Variants in ARHGEF33 observed in about 807,000 individuals in gnomAD.
The protein encoded by ARHGEF33 is DH and coiled-coil domain-containing protein ENSP00000381780.
ARHGEF33 carries 72 observed loss-of-function variants against 101.9 expected under a neutral mutation model. That is an observed-to-expected ratio of 0.71 (90% CI 0.58 to 0.86). The LOEUF (loss-of-function observed/expected upper bound fraction) is 0.86. ARHGEF33 is among the 40% of genes least tolerant of loss of function. ARHGEF33 has a pLI of 0.00. For missense variants in ARHGEF33, 1,169 were observed against 1,111.3 expected (o/e 1.05, Z -0.74); for synonymous variants, 499 against 442.5 (o/e 1.13, Z -1.60).
At chr2:38,916,095 G>A (rs1269417956) in intron 2 of ARHGEF33, among the ~76,000 whole-genome samples, 1 of 152,148 alleles carries the variant, frequency 6.6e-6, no homozygotes, top group South Asian at 2.1e-4. Flanking sequence ...GACCATATGA[G>A]CATGGGGATA....
At chr2:38,943,692 C>G (rs1031341748) in intron 9 of ARHGEF33, among the ~76,000 whole-genome samples, 3 of 152,212 alleles carry the variant, frequency 2.0e-5, no homozygotes, top group African/African-American at 7.2e-5. Flanking sequence ...GCAGATTTTC[C>G]AGCTGCAGAT....
At chr2:38,968,199 T>C (rs1458009714) in intron 17 of ARHGEF33, among the ~76,000 whole-genome samples, 1 of 152,042 alleles carries the variant, frequency 6.6e-6, no homozygotes, top group Non-Finnish European at 1.5e-5. Context: ...AGAGGAAGAA[T>C]TTCCTAAAAA....
At chr2:38,915,518 G>A (rs116328613) in intron 2 of ARHGEF33, among the ~76,000 whole-genome samples, 4,832 of 151,370 alleles carry the variant, frequency 0.032, 254 homozygotes, top group African/African-American at 0.11. Context: ...ATTACAAGGC[G>A]TGTGCCACCA....
At chr2:38,940,050 GA>G (rs1667264174) in intron 9 of ARHGEF33, among the ~76,000 whole-genome samples, 1 of 152,096 alleles carries the variant, frequency 6.6e-6, no homozygotes, top group Non-Finnish European at 1.5e-5. Flanking sequence ...ATCATTAATT[GA>G]AAATACCTTC....
intron 4 of ARHGEF33, among the ~76,000 whole-genome samples, chr2:38,922,491 T>C (rs1000056949): frequency 6.6e-6 from 1 of 152,132 alleles, no homozygotes; most frequent in South Asian, 2.1e-4. Context: ...TAAACCAAAC[T>C]AGGGCAAGTC....
At chr2:38,936,225 ATAAT>A (rs1397955644) in intron 8 of ARHGEF33, among the ~76,000 whole-genome samples, 2 of 152,266 alleles carry the variant, frequency 1.3e-5, no homozygotes, top group Non-Finnish European at 2.9e-5. Context: ...AAAGGACTAA[ATAAT>A]AGAAAAGAAA....
At chr2:38,908,795 T>C (rs887707705) in intron 2 of ARHGEF33, among the ~76,000 whole-genome samples, 2 of 152,216 alleles carry the variant, frequency 1.3e-5, no homozygotes, top group African/African-American at 4.8e-5. Flanking sequence ...TTTCTTGGTT[T>C]TTCAAGCCAG....
At position 38,898,473 on chromosome 2, in the gene ARHGEF33, C is replaced by T. The variant is rs72913137; in HGVS notation, c.-86+2624C>T. Among the ~76,000 whole-genome samples, 622 of 152,292 alleles carry T rather than the reference C, an allele frequency of 4.1e-3. 3 individuals are homozygous for T. The highest frequency in any genetic ancestry group is 0.014 in the African/African-American group (589 of 41,564). On this transcript the variant is annotated intron_variant, in intron 2 of 17. Coordinates refer to ENST00000409978, the MANE Select transcript of ARHGEF33 (RefSeq NM_001145451.5). ...TCTTCCAGGCACTCCAGATGGGCCACGTGACTTCCCATTGACCCTTCCACC... is the reference window on the plus strand; with the variant it reads ...TCTTCCAGGCACTCCAGATGGGCCATGTGACTTCCCATTGACCCTTCCACC...
intron 2 of ARHGEF33, among the ~76,000 whole-genome samples, chr2:38,897,340 TA>T (rs946523817): frequency 6.6e-6 from 1 of 152,052 alleles, no homozygotes; most frequent in African/African-American, 2.4e-5. Flanking sequence ...TCCACTTAAA[TA>T]AAAAAACAGA....
intron 16 of ARHGEF33, among the ~76,000 whole-genome samples, chr2:38,964,937 T>C (rs1668021372): frequency 6.6e-6 from 1 of 152,146 alleles, no homozygotes; most frequent in African/African-American, 2.4e-5. Flanking sequence ...GACCGCACTT[T>C]AAGAAACACT....
intron 1 of ARHGEF33, among the ~76,000 whole-genome samples, chr2:38,890,968 G>GTTTTTTT (rs11380408): frequency 6.9e-6 from 1 of 145,024 alleles, no homozygotes; most frequent in Non-Finnish European, 1.5e-5. Flanking sequence ...CATACTATTG[G>GTTTTTTT]TTTTTTTTTT....
intron 17 of ARHGEF33, among the ~76,000 whole-genome samples, chr2:38,968,632 C>T (rs1280283667): frequency 2.0e-5 from 3 of 152,218 alleles, no homozygotes; most frequent in African/African-American, 4.8e-5. Flanking sequence ...TCCCTTAGTC[C>T]TCTTGTCCTT....
rs1667884861 is a variant in ARHGEF33, at chr2:38,960,241, G to A, written c.1936G>A (p.Ala646Thr). The stretch of plus-strand genomic sequence containing the variant: ...GGCCCTCTTCGAGAACTGCTCGCCT[G>A]CCTCCTCCGAGTCCAGCCTGGACAT... ...APALFENCSP[A>T]SSESSLDICF... The change falls in exon 16 of 18, where the codon GCC (alanine) becomes ACC (threonine). Residue 646 changes from alanine (A) to threonine (T), a missense_variant. Ala to Thr is a moderately conservative substitution (Grantham distance 58). Coordinates refer to ENST00000409978, the MANE Select transcript of ARHGEF33 (RefSeq NM_001145451.5). The A allele has an allele frequency of 1.9e-6, 3 of 1,548,016 alleles. No homozygotes were observed. Among genetic ancestry groups the A allele is most frequent in the Non-Finnish European group, 2.6e-6 (3 of 1,146,078 alleles).
In ARHGEF33 at chr2:38,973,911, AAT is replaced by A. The variant is rs369179124; in HGVS notation, c.*81_*82del. 6.2e-3 allele frequency: 6,233 copies of A among 1,004,214 alleles called. No individual in the cohort carries two copies. Among genetic ancestry groups the A allele is most frequent in the East Asian group, 9.7e-3 (251 of 25,796 alleles). 62.2% of individuals were successfully genotyped at this position (1,004,214 alleles called of 1,614,324 possible). A position where few individuals can be genotyped will look rare whatever the true frequency, so the allele number is the denominator to read the frequency against. On this transcript the variant is annotated 3_prime_UTR_variant, in exon 18 of 18. Coordinates refer to ENST00000409978, the MANE Select transcript of ARHGEF33 (RefSeq NM_001145451.5). ...AAAAGCTTGTATATATCTGTGTAGG[AAT>A]ATATATATATATCTATATCTATATA...
At position 38,968,172 on chromosome 2, in the gene ARHGEF33, A is replaced by T. The variant is rs140344431; in HGVS notation, c.2483+2027A>T. On this transcript the variant is annotated intron_variant, in intron 17 of 17. Transcript: ENST00000409978. ...GTCCTCTCTGGATTCAGAGGGCAGA[A>T]CTAGGAGCAGTGGCTAAGAGGAAGA... Among the ~76,000 whole-genome samples the T allele has an allele frequency of 1.9e-4, 29 of 152,138 alleles. No individual in the cohort carries two copies. The East Asian group carries it at 5.6e-3, about 29-fold the overall frequency.
At chr2:38,941,008 G>A (rs1160899443) in intron 9 of ARHGEF33, among the ~76,000 whole-genome samples, 1 of 152,158 alleles carries the variant, frequency 6.6e-6, no homozygotes, top group Non-Finnish European at 1.5e-5. Context: ...TGTCTCAAAA[G>A]ACCAATCTTA....
chr2:38,912,036 G>T (rs1391309148), intron 2 of ARHGEF33, among the ~76,000 whole-genome samples: 1 of 152,142 alleles, frequency 6.6e-6, no homozygotes, highest in Non-Finnish European at 1.5e-5. Flanking sequence ...AAGAAAGCCT[G>T]GGCTTCAAAA....
At chr2:38,946,110 T>C (rs949122671) in intron 10 of ARHGEF33, among the ~76,000 whole-genome samples, 1 of 152,238 alleles carries the variant, frequency 6.6e-6, no homozygotes, top group Non-Finnish European at 1.5e-5. Flanking sequence ...CAGATCTCAG[T>C]TGATTTGTTA....
Position 38,973,848 on chromosome 2 carries a change from T to C in ARHGEF33, c.*5T>C. ...GACCAAGGAACAGCTGTGTAAAACA[T>C]ACTTAAAGTTGTATTGTCAAGTGGT... On this transcript the variant is annotated 3_prime_UTR_variant, in exon 18 of 18. Transcript: ENST00000409978. The C allele has an allele frequency of 6.5e-7, 1 of 1,542,128 alleles. No homozygotes were observed. The highest frequency in any genetic ancestry group is 8.7e-7 in the Non-Finnish European group (1 of 1,143,064).
Sources: allele counts gnomAD v4.1 joint callset (sites outside exome capture counted in the v4.1 genomes callset), GRCh38; gene constraint gnomAD v4.1.1; transcripts MANE v1.5; gene names NCBI Gene and HGNC (gene_info 2026-07-23, HGNC 2026-07-21).